MME: variants seen among roughly 807,000 people sequenced by gnomAD.
MME encodes neprilysin.
MME carries 98 observed loss-of-function variants against 113.2 expected under a neutral mutation model. That is an observed-to-expected ratio of 0.87 (90% CI 0.74 to 1.02). The LOEUF (loss-of-function observed/expected upper bound fraction) is 1.02. MME is among the 50% of genes least tolerant of loss of function. MME has a pLI of 0.00. For missense variants in MME, 836 were observed against 896.0 expected, an observed-to-expected ratio of 0.93 and a Z score of 0.86; for synonymous variants, 292 against 300.6, an observed-to-expected ratio of 0.97 and a Z score of 0.30.
At chr3:155,110,689 CT>C (rs1384397304) in intron 3 of MME, among the ~76,000 whole-genome samples, 2 of 152,114 alleles carry the variant, frequency 1.3e-5, no homozygotes, top group East Asian at 1.9e-4. Context: ...TTAAAAATAA[CT>C]TTTTTCCCTT....
chr3:155,047,782 A>T (rs1713610874), intron 1 of MME, among the ~76,000 whole-genome samples: 1 of 151,938 alleles, frequency 6.6e-6, no homozygotes. Flanking sequence ...TAAAAGATGG[A>T]TTGGGTAGAC....
intron 1 of MME, among the ~76,000 whole-genome samples, chr3:155,042,453 G>A (rs1212425694): frequency 2.0e-5 from 3 of 152,018 alleles, no homozygotes; most frequent in Non-Finnish European, 4.4e-5. Flanking sequence ...GATCCATCAG[G>A]GAGTAGAAGA....
intron 11 of MME, 55 bp downstream of exon 11, chr3:155,142,182 A>T: frequency 6.2e-7 from 1 of 1,613,314 alleles, no homozygotes; most frequent in South Asian, 1.1e-5. Flanking sequence ...ATCACTCTTC[A>T]GAAGCTTTGC....
intron 12 of MME, among the ~76,000 whole-genome samples, chr3:155,142,932 A>G (rs1263147119): frequency 4.6e-5 from 7 of 152,184 alleles, no homozygotes; most frequent in Admixed American, 4.6e-4. Flanking sequence ...TTTATCCTTA[A>G]AAAGAAAATG....
intron 3 of MME, among the ~76,000 whole-genome samples, chr3:155,104,000 G>C (rs944019020): frequency 6.6e-6 from 1 of 152,178 alleles, no homozygotes; most frequent in African/African-American, 2.4e-5. Flanking sequence ...TGAACACTGA[G>C]TAAGTTTGAG....
At chr3:155,064,854 T>C (rs920788850) in intron 1 of MME, among the ~76,000 whole-genome samples, 2 of 152,218 alleles carry the variant, frequency 1.3e-5, no homozygotes, top group African/African-American at 4.8e-5. Context: ...CTTCCTTGAC[T>C]CTTCTAGCTT....
At chr3:155,056,210 G>A (rs1250616131) in intron 1 of MME, among the ~76,000 whole-genome samples, 1 of 151,544 alleles carries the variant, frequency 6.6e-6, no homozygotes, top group African/African-American at 2.4e-5. Context: ...TAAGTTTTAG[G>A]GTACATATGC....
intron 16 of MME, among the ~76,000 whole-genome samples, chr3:155,155,976 A>C (rs528972837): frequency 3.9e-5 from 6 of 152,356 alleles, no homozygotes; most frequent in Middle Eastern, 3.4e-3. Context: ...TTTTGTTGAA[A>C]GAGAAGTGGC....
upstream of MME, among the ~76,000 whole-genome samples, chr3:155,078,657 G>GTA (rs1188511304): frequency 7.6e-6 from 1 of 130,802 alleles, no homozygotes; most frequent in Non-Finnish European, 1.7e-5. Context: ...ATATGTGTGT[G>GTA]TATGTGTGTG....
At chr3:155,119,068 G>T (rs571742533) in intron 8 of MME, among the ~76,000 whole-genome samples, 2 of 152,272 alleles carry the variant, frequency 1.3e-5, no homozygotes, top group South Asian at 4.1e-4. Context: ...TAAAACATAT[G>T]ATCGATTTTG....
At chr3:155,098,399 C>T (rs1716919935) in intron 3 of MME, among the ~76,000 whole-genome samples, 2 of 151,736 alleles carry the variant, frequency 1.3e-5, no homozygotes, top group African/African-American at 4.8e-5. Context: ...ACTAAAAATA[C>T]AAAAAAATTA....
chr3:155,093,849 C>G (rs1208814080), intron 3 of MME, among the ~76,000 whole-genome samples: 3 of 135,174 alleles, frequency 2.2e-5, no homozygotes, highest in Non-Finnish European at 3.1e-5. Context: ...GAGTGAGACT[C>G]TGTCTAAAAA....
chr3:155,100,390 A>AG lies in MME; in HGVS notation c.197-14603dup, dbSNP rs1164663311. ...CCAGTTAGAATGGCGATCATTAAAA[A>AG]GTCAAGAAACAACAGGTGCTGGAGA... On this transcript the variant is annotated intron_variant, in intron 3 of 22. Coordinates refer to ENST00000360490, the MANE Select transcript of MME (RefSeq NM_007289.4). 9.2e-5 allele frequency among the ~76,000 whole-genome samples: 14 copies of AG among 152,358 alleles called. No individual in the cohort carries two copies. In the East Asian group the frequency reaches 2.5e-3, roughly 27 times the overall value.
chr3:155,084,527 T>G (rs1407014291), intron 2 of MME, among the ~76,000 whole-genome samples, 200 bp downstream of exon 2: 3 of 152,250 alleles, frequency 2.0e-5, no homozygotes, highest in African/African-American at 7.2e-5. Flanking sequence ...TGAGCTAAGT[T>G]ATTAATTGCA....
At chr3:155,060,586 G>T (rs1714099804) in intron 1 of MME, among the ~76,000 whole-genome samples, 1 of 149,348 alleles carries the variant, frequency 6.7e-6, no homozygotes, top group Admixed American at 6.6e-5. Context: ...TGGTGAGAGT[G>T]GGGAGATGTA....
intron 20 of MME, among the ~76,000 whole-genome samples, chr3:155,171,027 G>C (rs1711878745): frequency 6.6e-6 from 1 of 152,120 alleles, no homozygotes; most frequent in Non-Finnish European, 1.5e-5. Flanking sequence ...GAAAGTGGAA[G>C]GCATTGGCAC....
chr3:155,038,275 A>C (rs1014181221), intron 1 of MME, among the ~76,000 whole-genome samples: 3 of 152,118 alleles, frequency 2.0e-5, no homozygotes, highest in Non-Finnish European at 4.4e-5. Context: ...CCATGGCAGG[A>C]CTACACTCTG....
rs779774134 is a variant in MME at position 155,142,103 on chromosome 3, C to T, written c.1070C>T (p.Pro357Leu). The T allele has an allele frequency of 6.2e-7, 1 of 1,613,790 alleles. No individual in the cohort carries two copies. Residue 357 changes from proline (P) to leucine (L), a missense_variant, in exon 11 of 23, where the codon CCC becomes CTC. Physicochemically the swap from Pro to Leu is moderately conservative, Grantham distance 98. Transcript: ENST00000360490. Reference protein sequence around the residue: ...YAPEYLTKLKPILTKYSARDL... With the variant: ...YAPEYLTKLKLILTKYSARDL... The stretch of plus-strand genomic sequence containing the variant: ...CCAGAATATTTAACCAAACTTAAGC[C>T]CATTCTTACCAAATATTCTGCCAGG...
At chr3:155,050,118 G>T (rs550629182) in intron 1 of MME, among the ~76,000 whole-genome samples, 62 of 152,200 alleles carry the variant, frequency 4.1e-4, no homozygotes, top group African/African-American at 1.5e-3. Flanking sequence ...GTTTGCTTAG[G>T]ATAATGGCCT....
Sources: allele counts gnomAD v4.1 joint callset (sites outside exome capture counted in the v4.1 genomes callset), GRCh38; gene constraint gnomAD v4.1.1; transcripts MANE v1.5; gene names NCBI Gene and HGNC (gene_info 2026-07-23, HGNC 2026-07-21).